CMSS1: variants seen among roughly 807,000 people sequenced by gnomAD.
The protein encoded by CMSS1 is cms1 ribosomal small subunit homolog.
A neutral mutation model predicts 43.5 loss-of-function variants in CMSS1; 33 were observed. That is an observed-to-expected ratio of 0.76 (90% CI 0.57 to 1.01). The LOEUF (loss-of-function observed/expected upper bound fraction) is 1.01, where lower values mean the gene tolerates loss of function less well. Ranked by LOEUF, CMSS1 falls within the 50% of genes least tolerant of loss-of-function variation. The pLI is 0.00. For synonymous variants in CMSS1, 115 were observed against 117.2 expected (o/e 0.98, Z 0.12); for missense variants, 313 against 326.4 (o/e 0.96, Z 0.32).
At chr3:100,046,324 G>A (rs1475400302) in intron 1 of CMSS1, among the ~76,000 whole-genome samples, 1 of 152,102 alleles carries the variant, frequency 6.6e-6, no homozygotes, top group East Asian at 1.9e-4. Flanking sequence ...GTCTTAAAAA[G>A]GGAAATTCAG....
intron 1 of CMSS1, among the ~76,000 whole-genome samples, chr3:100,089,231 A>C (rs571922656): frequency 4.6e-5 from 7 of 152,320 alleles, no homozygotes; most frequent in Non-Finnish European, 7.4e-5. Context: ...TAGTAATCTT[A>C]TTGATCTGCT....
At chr3:99,877,676 C>G (rs1705581169) in intron 1 of CMSS1, among the ~76,000 whole-genome samples, 1 of 152,176 alleles carries the variant, frequency 6.6e-6, no homozygotes, top group African/African-American at 2.4e-5. Context: ...CTCTTCTGCC[C>G]TATACTTGTG....
At chr3:99,832,831 C>CTCTG (rs1942732546) in intron 1 of CMSS1, among the ~76,000 whole-genome samples, 1 of 133,476 alleles carries the variant, frequency 7.5e-6, no homozygotes, top group Admixed American at 7.8e-5. Context: ...CAGAGCAAGA[C>CTCTG]TCTGTCTCAA....
At chr3:100,139,630 T>TAC (rs1186274310) in intron 1 of CMSS1, among the ~76,000 whole-genome samples, 5 of 145,876 alleles carry the variant, frequency 3.4e-5, no homozygotes, top group South Asian at 4.4e-4. Flanking sequence ...TATATATATA[T>TAC]ACACACACAC....
intron 1 of CMSS1, among the ~76,000 whole-genome samples, chr3:99,854,097 T>A (rs375090956): frequency 3.3e-5 from 5 of 152,168 alleles, no homozygotes; most frequent in African/African-American, 9.7e-5. Flanking sequence ...TAAATCGTTA[T>A]TTCTTGCCTT....
rs200756899 is a variant in CMSS1 at position 99,849,947 on chromosome 3, T to G, written c.64+31904T>G. ...ACTCTTGACAGGAGATCATTTCCTT[T>G]CTCTTCTTCCGCTTTCAATTTGTTT... On this transcript the variant is annotated intron_variant, in intron 1 of 9. Transcript: ENST00000421999. 9.8e-4 allele frequency: 1,575 copies of G among 1,612,942 alleles called. 1 individual carries two copies. The highest frequency in any genetic ancestry group is 1.3e-3 in the Non-Finnish European group (1,488 of 1,179,812).
chr3:100,096,660 CAA>C (rs1179101855), intron 1 of CMSS1, among the ~76,000 whole-genome samples: 6 of 111,702 alleles, frequency 5.4e-5, no homozygotes, highest in Non-Finnish European at 3.8e-5. Context: ...TTAAGGAGTA[CAA>C]AAAAAAAAAA....
chr3:99,954,395 G>A (rs1480037148), intron 1 of CMSS1, among the ~76,000 whole-genome samples: 2 of 152,134 alleles, frequency 1.3e-5, no homozygotes, highest in Non-Finnish European at 2.9e-5. Context: ...TATCATAATG[G>A]CTCCCAGTTT....
At chr3:99,834,382 T>C (rs1942809583) in intron 1 of CMSS1, among the ~76,000 whole-genome samples, 2 of 152,316 alleles carry the variant, frequency 1.3e-5, no homozygotes, top group South Asian at 4.1e-4. Context: ...TTCTGTAATG[T>C]ATCATGGTTT....
intron 1 of CMSS1, among the ~76,000 whole-genome samples, chr3:99,950,981 T>A (rs1708159717): frequency 6.6e-6 from 1 of 152,216 alleles, no homozygotes; most frequent in Non-Finnish European, 1.5e-5. Context: ...TCAAAACTTG[T>A]TAAGAGGGAT....
chr3:99,993,789 T>C (rs1709594076), intron 1 of CMSS1, among the ~76,000 whole-genome samples: 1 of 152,234 alleles, frequency 6.6e-6, no homozygotes, highest in Non-Finnish European at 1.5e-5. Context: ...TTGATTTACA[T>C]GTGTTGAACC....
At chr3:99,946,434 A>G (rs879705576) in intron 1 of CMSS1, among the ~76,000 whole-genome samples, 10 of 152,218 alleles carry the variant, frequency 6.6e-5, no homozygotes, top group Non-Finnish European at 1.5e-4. Flanking sequence ...TGTGGCTGCT[A>G]AACAAAAGAC....
intron 1 of CMSS1, among the ~76,000 whole-genome samples, chr3:100,031,640 A>G (rs2065024314): frequency 6.6e-6 from 1 of 152,006 alleles, no homozygotes; most frequent in African/African-American, 2.4e-5. Flanking sequence ...TAACTAACGC[A>G]TTCTCTCCCC....
intron 1 of CMSS1, among the ~76,000 whole-genome samples, chr3:99,852,901 T>C (rs1266576223): frequency 6.6e-6 from 1 of 152,242 alleles, no homozygotes; most frequent in Non-Finnish European, 1.5e-5. Context: ...TGCATCTTTT[T>C]TGTGGGAGTC....
At chr3:99,831,941 A>G (rs746597427) in intron 1 of CMSS1, among the ~76,000 whole-genome samples, 28 of 152,204 alleles carry the variant, frequency 1.8e-4, no homozygotes, top group Non-Finnish European at 4.0e-4. Flanking sequence ...GCATAGTTCA[A>G]TACTGTGAAA....
At chr3:99,945,400 G>A (rs960806019) in intron 1 of CMSS1, among the ~76,000 whole-genome samples, 1 of 152,266 alleles carries the variant, frequency 6.6e-6, no homozygotes, top group African/African-American at 2.4e-5. Context: ...TGAGCTTGGG[G>A]GTTCCACCCA....
intron 1 of CMSS1, among the ~76,000 whole-genome samples, chr3:100,022,960 A>G (rs1402555138): frequency 1.3e-5 from 2 of 152,192 alleles, no homozygotes; most frequent in Non-Finnish European, 2.9e-5. Context: ...TGCAAAGGCC[A>G]TGCAATCTCT....
At chr3:100,074,467 A>C (rs2065814414) in intron 1 of CMSS1, among the ~76,000 whole-genome samples, 1 of 151,174 alleles carries the variant, frequency 6.6e-6, no homozygotes, top group Non-Finnish European at 1.5e-5. Context: ...TTTCTGCTAC[A>C]TTTTTCTCTG....
At chr3:100,018,061 G>T (rs1274223790) in intron 1 of CMSS1, among the ~76,000 whole-genome samples, 1 of 152,178 alleles carries the variant, frequency 6.6e-6, no homozygotes, top group African/African-American at 2.4e-5. Flanking sequence ...AGGTCCAGGG[G>T]CTCACGCCTG....
Sources: allele counts gnomAD v4.1 joint callset (sites outside exome capture counted in the v4.1 genomes callset), GRCh38; gene constraint gnomAD v4.1.1; transcripts MANE v1.5; gene names NCBI Gene and HGNC (gene_info 2026-07-23, HGNC 2026-07-21).